The following PBRM1 variants were observed in gnomAD, a reference collection of about 807,000 sequenced individuals.
The protein encoded by PBRM1 is polybromo 1.
In PBRM1, 27 loss-of-function variants were observed where a neutral mutation model predicts 194.5. That is an observed-to-expected ratio of 0.14 (90% confidence interval 0.10 to 0.19). The LOEUF (loss-of-function observed/expected upper bound fraction) is 0.19, where lower values mean the gene tolerates loss of function less well. Ranked by LOEUF, PBRM1 falls within the 10% of genes least tolerant of loss-of-function variation. PBRM1 has a pLI of 1.00. For synonymous variants in PBRM1, 655 were observed against 693.2 expected (o/e 0.94, Z 0.87); for missense variants, 1,466 against 2,077.2 (o/e 0.71, Z 5.72).
intron 24 of PBRM1, among the ~76,000 whole-genome samples, 182 bp from the exon 27 acceptor site, chr3:52,562,150 T>A (rs1311408610): frequency 1.5e-5 from 2 of 131,420 alleles, no homozygotes; most frequent in African/African-American, 5.5e-5. Flanking sequence ...TGAAACCCCG[T>A]TTCTACTAAA....
At chr3:52,612,587 C>G (rs2153449460) in intron 15 of PBRM1, among the ~76,000 whole-genome samples, 2 of 152,186 alleles carry the variant, frequency 1.3e-5, no homozygotes, top group East Asian at 3.9e-4. Context: ...AGGAAGGAGA[C>G]TGCTCTAGAT....
intron 1 of PBRM1, chr3:52,684,754 T>TTTTTGA (rs2097282968): frequency 6.6e-6 from 1 of 152,222 alleles, no homozygotes; most frequent in Non-Finnish European, 1.5e-5. Context: ...TGGTAGGATA[T>TTTTTGA]TAACATTTGA....
At chr3:52,633,206 T>C (rs991782479) in intron 11 of PBRM1, among the ~76,000 whole-genome samples, 4 of 152,088 alleles carry the variant, frequency 2.6e-5, no homozygotes, top group Non-Finnish European at 5.9e-5. Context: ...TTTTTTAATG[T>C]TCTGGATCAG....
At chr3:52,589,182 A>G in exon 18 of PBRM1, 2 of 1,609,872 alleles carry the variant, frequency 1.2e-6, no homozygotes, top group South Asian at 2.2e-5. Context: ...TTTTAAAGCT[A>G]CAGTCCTGGC....
chr3:52,658,286 C>T, exon 5 of PBRM1: 2 of 1,611,196 alleles, frequency 1.2e-6, no homozygotes, highest in Non-Finnish European at 8.5e-7. Flanking sequence ...GAAGCTGCTC[C>T]AGGATCTCCT....
chr3:52,603,299 T>C (rs1436718177), intron 17 of PBRM1, among the ~76,000 whole-genome samples: 6 of 152,228 alleles, frequency 3.9e-5, no homozygotes, highest in African/African-American at 1.4e-4. Context: ...TTTCCTGGAA[T>C]GCTAGGATAA....
intron 10 of PBRM1, among the ~76,000 whole-genome samples, chr3:52,640,840 T>C (rs192123821): frequency 6.6e-6 from 1 of 152,008 alleles, no homozygotes; most frequent in Non-Finnish European, 1.5e-5. Context: ...GGTTTCACCA[T>C]GTTGGCCAGG....
At chr3:52,637,228 C>T (rs1430032086) in intron 10 of PBRM1, among the ~76,000 whole-genome samples, 5 of 152,156 alleles carry the variant, frequency 3.3e-5, no homozygotes, top group African/African-American at 9.7e-5. Context: ...CTGATCCTTA[C>T]ACCTTATTGT....
chr3:52,559,846 T>TG (rs2083062514), intron 25 of PBRM1, among the ~76,000 whole-genome samples: 1 of 125,146 alleles, frequency 8.0e-6, no homozygotes, highest in African/African-American at 3.2e-5. Flanking sequence ...GAGCTAGCAG[T>TG]AAAAAAAAAA....
chr3:52,546,388 TA>T (rs1233129138), downstream of PBRM1: 2 of 229,552 alleles, frequency 8.7e-6, no homozygotes, highest in Non-Finnish European at 1.7e-5. Context: ...TACATTTTTT[TA>T]AATTCAATAT....
chr3:52,630,497 C>T (rs935784117), intron 11 of PBRM1, among the ~76,000 whole-genome samples: 9 of 152,334 alleles, frequency 5.9e-5, no homozygotes, highest in Admixed American at 3.9e-4. Context: ...GTGTCTATCA[C>T]ATTGGAATAT....
upstream of PBRM1, among the ~76,000 whole-genome samples, chr3:52,683,353 G>A (rs1193283639): frequency 6.6e-6 from 1 of 151,166 alleles, no homozygotes; most frequent in Admixed American, 6.6e-5. Flanking sequence ...CAGTCTGGGT[G>A]ACAGAGCGAG....
chr3:52,581,233 G>C (rs1024694904), intron 20 of PBRM1, among the ~76,000 whole-genome samples: 2 of 152,178 alleles, frequency 1.3e-5, no homozygotes, highest in African/African-American at 4.8e-5. Context: ...GGGAAGGCCG[G>C]GAGTGGTGGC....
At position 52,609,382 on chromosome 3, in the gene PBRM1, C is replaced by T. The variant is rs755255835; in HGVS notation, c.2498G>A (p.Arg833His). 6.4e-5 allele frequency: 103 copies of T among 1,613,484 alleles called. No individual in the cohort carries two copies. The highest frequency in any genetic ancestry group is 7.6e-5 in the Non-Finnish European group (90 of 1,179,562). ...TTGAAATAAATCAAGCCGACGGTAG[C>T]GATTATTTTCAACATTCTTCCTAAT... The change falls in exon 16 of 30, where the codon CGC becomes CAC. Residue 833 changes from arginine to histidine, a missense_variant. Coordinates refer to ENST00000296302, the Ensembl canonical transcript of PBRM1. This position sits in a 1 kb window ranked among gnomAD's most constrained non-coding sequence, Gnocchi z 4.1.
chr3:52,551,628 G>T (rs1319139907), intron 27 of PBRM1, among the ~76,000 whole-genome samples: 1 of 152,066 alleles, frequency 6.6e-6, no homozygotes, highest in Non-Finnish European at 1.5e-5. Flanking sequence ...TTGATTTCAG[G>T]GTGCATATTT....
At chr3:52,642,094 T>G (rs1426335652) in intron 9 of PBRM1, 49 bp from the exon 11 acceptor site, 2 of 969,062 alleles carry the variant, frequency 2.1e-6, no homozygotes, top group Non-Finnish European at 3.3e-6. Flanking sequence ...TTATAATAAT[T>G]AGGTTACTTT....
At chr3:52,545,889 T>TA (rs2079618834), downstream of PBRM1, 1 of 232,990 alleles carries the variant, frequency 4.3e-6, no homozygotes, top group Non-Finnish European at 8.5e-6. Context: ...CCTCAAATCT[T>TA]ATATCCTAAA....
chr3:52,672,873 C>T (rs770403326), intron 2 of PBRM1, among the ~76,000 whole-genome samples: 1 of 152,018 alleles, frequency 6.6e-6, no homozygotes, highest in Admixed American at 6.6e-5. Context: ...GGGAACATAC[C>T]TTCCATAGGA....
intron 3 of PBRM1, among the ~76,000 whole-genome samples, chr3:52,666,731 A>T (rs2096844753): frequency 6.6e-6 from 1 of 151,944 alleles, no homozygotes; most frequent in Non-Finnish European, 1.5e-5. Context: ...TCTCTATCAA[A>T]AATACAAAAA....
Sources: allele counts gnomAD v4.1 joint callset (sites outside exome capture counted in the v4.1 genomes callset), GRCh38; gene constraint gnomAD v4.1.1; non-coding constraint Gnocchi (gnomAD v3.1); transcripts MANE v1.5; gene names NCBI Gene and HGNC (gene_info 2026-07-23, HGNC 2026-07-21).